Variants in LIMCH1 observed in about 807,000 individuals in gnomAD.
LIMCH1 encodes LIM and calponin homology domains 1.
LIMCH1 carries 113 observed loss-of-function variants against 176.5 expected under a neutral mutation model. The ratio of observed to expected loss-of-function variants is 0.64; its 90% CI spans 0.55 to 0.75. The LOEUF is 0.75. Ranked by LOEUF, LIMCH1 falls within the 30% of genes least tolerant of loss-of-function variation. LIMCH1 has a pLI of 0.00. For synonymous variants in LIMCH1, 619 were observed against 645.9 expected, an observed-to-expected ratio of 0.96 and a Z score of 0.63; for missense variants, 1,674 against 1,814.9, an observed-to-expected ratio of 0.92 and a Z score of 1.41.
Position 41,689,606 on chromosome 4 carries a change from A to G in LIMCH1, c.4246A>G (p.Asn1416Asp). ...KGAAMIIETLNLYFHIQCFRC... is the reference protein window; with the variant it reads ...KGAAMIIETLDLYFHIQCFRC... The stretch of plus-strand genomic sequence containing the variant: ...AGCTGCAATGATCATCGAGACCCTC[A>G]ATCTCTATTTTCACATCCAGTGTTT... Residue 1416 changes from asparagine (N) to aspartate (D), a missense_variant, in exon 30 of 32, where the codon AAT becomes GAT. Coordinates refer to ENST00000503057, the MANE Select transcript of LIMCH1 (RefSeq NM_001330672.2). 6.2e-7 allele frequency: 1 copy of G among 1,610,662 alleles called. No homozygotes were observed. The highest frequency in any genetic ancestry group is 8.5e-7 in the Non-Finnish European group (1 of 1,177,028).
intron 13 of LIMCH1, 109 bp from the exon 14 acceptor site, chr4:41,638,822 CA>C (rs1366390729): frequency 2.4e-6 from 2 of 847,758 alleles, no homozygotes; most frequent in African/African-American, 1.7e-5. Flanking sequence ...AGTATCTCAG[CA>C]AAAAAGGTTT....
intron 1 of LIMCH1, among the ~76,000 whole-genome samples, chr4:41,551,577 A>G (rs1015089872): frequency 1.3e-5 from 2 of 152,172 alleles, no homozygotes; most frequent in Non-Finnish European, 2.9e-5. Context: ...AAGGAACTAT[A>G]CCCTGCAGGC....
At chr4:41,370,944 A>C (rs2053870580) in intron 1 of LIMCH1, among the ~76,000 whole-genome samples, 1 of 152,210 alleles carries the variant, frequency 6.6e-6, no homozygotes, top group Non-Finnish European at 1.5e-5. Context: ...GCTTGAAGCC[A>C]CACAGATAAT....
chr4:41,674,194 A>G lies in LIMCH1; in HGVS notation c.3439-2188A>G, dbSNP rs1202807975. On this transcript the variant is annotated intron_variant, in intron 22 of 31. Coordinates refer to ENST00000503057, the MANE Select transcript of LIMCH1 (RefSeq NM_001330672.2). ...TCTGTGCTCAATCCCCCCACCCCAC[A>G]CTTCCTCCTCCTATCTGCCCACTCC... 3.3e-5 allele frequency among the ~76,000 whole-genome samples: 5 copies of G among 151,696 alleles called. No individual in the cohort carries two copies. The East Asian group carries it at 9.7e-4, about 29-fold the overall frequency.
At chr4:41,365,282 G>T (rs2052799999) in intron 1 of LIMCH1, among the ~76,000 whole-genome samples, 1 of 152,164 alleles carries the variant, frequency 6.6e-6, no homozygotes. Flanking sequence ...TGCTGGAAGG[G>T]ATCAGTTTCT....
At chr4:41,464,326 G>A (rs1445633492) in intron 1 of LIMCH1, among the ~76,000 whole-genome samples, 6 of 150,276 alleles carry the variant, frequency 4.0e-5, no homozygotes, top group East Asian at 2.0e-4. Context: ...CTCATTCTTC[G>A]GATTTCCACT....
chr4:41,421,032 C>T (rs1235840572), intron 1 of LIMCH1, among the ~76,000 whole-genome samples: 1 of 152,176 alleles, frequency 6.6e-6, no homozygotes, highest in Non-Finnish European at 1.5e-5. Context: ...GGCCTTACTG[C>T]AACCTTGGGG....
intron 18 of LIMCH1, among the ~76,000 whole-genome samples, chr4:41,657,449 G>A (rs1468496236): frequency 6.6e-6 from 1 of 152,164 alleles, no homozygotes; most frequent in Non-Finnish European, 1.5e-5. Context: ...CCTGGCTTTG[G>A]GGATTTCCCT....
At chr4:41,669,029 G>T (rs1241279022) in intron 21 of LIMCH1, among the ~76,000 whole-genome samples, 1 of 152,106 alleles carries the variant, frequency 6.6e-6, no homozygotes, top group Non-Finnish European at 1.5e-5. Flanking sequence ...TTCAAGATTT[G>T]GGAGGGGACA....
rs2094250702 is a variant in LIMCH1, at chr4:41,650,567, A to G, written c.2995A>G (p.Ile999Val). ...ELKQDNGSIE[I>V]NIKKPNSVPQ... ...GAAACAAGACAACGGTAGCATCGAGATCAACATAAAGAAGCCAAACTCTGT... is the reference window on the plus strand; with the variant it reads ...GAAACAAGACAACGGTAGCATCGAGGTCAACATAAAGAAGCCAAACTCTGT... Residue 999 changes from isoleucine (I) to valine (V), a missense_variant, in exon 18 of 32, where the codon ATC (isoleucine) becomes GTC (valine). Ile to Val is a conservative substitution (Grantham distance 29). Coordinates refer to ENST00000503057, the MANE Select transcript of LIMCH1 (RefSeq NM_001330672.2). The G allele has an allele frequency of 1.2e-6, 2 of 1,613,942 alleles. No individual in the cohort carries two copies. The highest frequency in any genetic ancestry group is 1.7e-6 in the Non-Finnish European group (2 of 1,180,022).
chr4:41,672,684 A>C (rs1240355005), intron 22 of LIMCH1, among the ~76,000 whole-genome samples: 4 of 152,338 alleles, frequency 2.6e-5, no homozygotes, highest in African/African-American at 9.6e-5. Flanking sequence ...TTGCTGCTGC[A>C]TGGCATCTGA....
In LIMCH1 at chr4:41,633,587, A is replaced by G; in HGVS notation, c.1869A>G (p.Thr623=). The part of the protein sequence containing the change: ...PLASECEASG[T]EEKLEKMTAP... ...CCTCTGAGTGTGAGGCTTCAGGGACAGAAGAGAAGTTGGAGAAGATGACAG... is the reference window on the plus strand; with the variant it reads ...CCTCTGAGTGTGAGGCTTCAGGGACGGAAGAGAAGTTGGAGAAGATGACAG... The change falls in exon 13 of 32, where the codon ACA becomes ACG. Residue 623 remains threonine (T), a synonymous_variant. Transcript: ENST00000503057. 6.5e-7 allele frequency: 1 copy of G among 1,536,158 alleles called. No homozygotes were observed. The highest frequency in any genetic ancestry group is 8.7e-7 in the Non-Finnish European group (1 of 1,146,932).
chr4:41,625,221 T>C (rs191692643), intron 7 of LIMCH1, among the ~76,000 whole-genome samples: 18 of 152,308 alleles, frequency 1.2e-4, no homozygotes, highest in African/African-American at 4.1e-4. Flanking sequence ...TGCAGGGTTG[T>C]CATGAAAGTT....
chr4:41,431,741 T>C (rs145536642), intron 1 of LIMCH1, among the ~76,000 whole-genome samples: 59 of 152,346 alleles, frequency 3.9e-4, no homozygotes, highest in African/African-American at 1.4e-3. Context: ...ACATTACATA[T>C]AGACTGAATC....
At chr4:41,579,173 T>C (rs1011667747) in intron 1 of LIMCH1, among the ~76,000 whole-genome samples, 5 of 151,980 alleles carry the variant, frequency 3.3e-5, no homozygotes, top group African/African-American at 1.2e-4. Flanking sequence ...GTTATAGAAA[T>C]GTCAAGTGTA....
chr4:41,618,195 T>C (rs1297675294), intron 5 of LIMCH1, among the ~76,000 whole-genome samples: 2 of 152,232 alleles, frequency 1.3e-5, no homozygotes, highest in African/African-American at 4.8e-5. Flanking sequence ...AATGCTCTCA[T>C]TGATTGTTTT....
intron 14 of LIMCH1, among the ~76,000 whole-genome samples, chr4:41,643,114 C>T (rs887539022): frequency 3.3e-5 from 5 of 152,202 alleles, no homozygotes; most frequent in African/African-American, 1.2e-4. Context: ...GAGAGAGGCA[C>T]TCACACATTT....
intron 1 of LIMCH1, among the ~76,000 whole-genome samples, chr4:41,376,971 AC>A (rs1055524433): frequency 8.5e-5 from 13 of 152,200 alleles, no homozygotes; most frequent in African/African-American, 2.7e-4. Flanking sequence ...TTATATCTTA[AC>A]AAAAAATCTG....
intron 1 of LIMCH1, among the ~76,000 whole-genome samples, chr4:41,433,407 C>A (rs2061775513): frequency 6.6e-6 from 1 of 152,144 alleles, no homozygotes; most frequent in African/African-American, 2.4e-5. Context: ...CTTAAAATAA[C>A]AACAATTTAT....
Sources: allele counts gnomAD v4.1 joint callset (sites outside exome capture counted in the v4.1 genomes callset), GRCh38; gene constraint gnomAD v4.1.1; transcripts MANE v1.5; gene names NCBI Gene and HGNC (gene_info 2026-07-23, HGNC 2026-07-21).